Variants in GNAL observed in about 807,000 individuals in gnomAD.
GNAL encodes guanine nucleotide-binding protein G(olf) subunit alpha.
Under a neutral mutation model 55.1 loss-of-function variants are expected in GNAL, and 18 were observed. The ratio of observed to expected loss-of-function variants is 0.33; its 90% CI spans 0.23 to 0.48. GNAL has a LOEUF of 0.48. Ranked by LOEUF, GNAL falls within the 20% of genes least tolerant of loss-of-function variation. The probability of loss-of-function intolerance (pLI) is 0.99; values close to 1 mark genes in which losing one functional copy is unlikely to be tolerated. For synonymous variants in GNAL, 253 were observed against 237.0 expected (o/e 1.07, Z -0.62); for missense variants, 412 against 614.1 (o/e 0.67, Z 3.48).
Position 11,737,666 on chromosome 18 carries a change from C to T in GNAL, c.377-15187C>T, listed in dbSNP as rs2032488175. Among the ~76,000 whole-genome samples the T allele has an allele frequency of 2.0e-5, 3 of 152,242 alleles. No homozygotes were observed. The South Asian group carries it at 6.2e-4, about 31-fold the overall frequency. ...CACCCCACATAGCAGTGCAGGTTTC[C>T]ATCCGCACAGGGTCATCTGACCAGA... On this transcript the variant is annotated intron_variant, in intron 1 of 11. Transcript: ENST00000334049.
At chr18:11,816,084 G>A (rs971238155) in intron 4 of GNAL, among the ~76,000 whole-genome samples, 3 of 151,972 alleles carry the variant, frequency 2.0e-5, no homozygotes, top group African/African-American at 4.8e-5. Context: ...AAACTTAAAC[G>A]TTCACTTACC....
intron 4 of GNAL, among the ~76,000 whole-genome samples, chr18:11,818,389 C>T (rs62097371): frequency 0.058 from 8,775 of 152,238 alleles, 400 homozygotes; most frequent in African/African-American, 0.11. Context: ...ATGTATCAGA[C>T]CTAAACTCGA....
At position 11,823,577 on chromosome 18, in the gene GNAL, A is replaced by G. The variant is rs1598408358; in HGVS notation, c.625-1341A>G. Among the ~76,000 whole-genome samples, 5 of 152,322 alleles carry G rather than the reference A, an allele frequency of 3.3e-5. 1 individual carries two copies. Among genetic ancestry groups the G allele is most frequent in the Admixed American group, 3.3e-4 (5 of 15,290 alleles). ...TGTTTTTTCAAAGAGAGCCTTCCAA[A>G]TTGTGAGCATTAAACCCCTCACAGT... On this transcript the variant is annotated intron_variant, in intron 4 of 11. Transcript: ENST00000334049.
rs181904154 is a variant in GNAL, at chr18:11,789,420, G to A, written c.624+35475G>A. Among the ~76,000 whole-genome samples, 7 of 152,252 alleles carry A rather than the reference G, an allele frequency of 4.6e-5. No homozygotes were observed. The East Asian group carries it at 5.8e-4, about 13-fold the overall frequency. ...ACGGACTGTGATGATGGATTCCCAC[G>A]TAGTTGGCATTGATTGAGGATGATT... On this transcript the variant is annotated intron_variant, in intron 4 of 11. Coordinates refer to ENST00000334049, the MANE Select transcript of GNAL (RefSeq NM_182978.4).
At chr18:11,704,599 C>T (rs894761474) in intron 1 of GNAL, among the ~76,000 whole-genome samples, 5 of 152,198 alleles carry the variant, frequency 3.3e-5, no homozygotes, top group Non-Finnish European at 7.3e-5. Flanking sequence ...CCCCAGTTTC[C>T]AGACCCAGCC....
chr18:11,722,789 A>G (rs535733032), intron 1 of GNAL, among the ~76,000 whole-genome samples: 1 of 152,294 alleles, frequency 6.6e-6, no homozygotes, highest in African/African-American at 2.4e-5. Context: ...AGGCAGGTGG[A>G]TCACCTGAGG....
intron 1 of GNAL, among the ~76,000 whole-genome samples, chr18:11,693,656 G>T (rs1396461826): frequency 1.3e-5 from 2 of 150,014 alleles, no homozygotes; most frequent in Non-Finnish European, 3.0e-5. Flanking sequence ...ACATTCATTT[G>T]TTTATTCTGG....
chr18:11,769,337 G>A (rs1416381597), intron 4 of GNAL, among the ~76,000 whole-genome samples: 1 of 151,234 alleles, frequency 6.6e-6, no homozygotes, highest in Non-Finnish European at 1.5e-5. Context: ...TCAGACAAAA[G>A]TCTTCATTGT....
intron 1 of GNAL, among the ~76,000 whole-genome samples, chr18:11,692,464 G>A (rs574692177): frequency 6.2e-4 from 95 of 152,286 alleles, no homozygotes; most frequent in Non-Finnish European, 1.2e-3. Context: ...CCAGAATATC[G>A]CAGAGCACAC....
intron 4 of GNAL, among the ~76,000 whole-genome samples, chr18:11,754,959 A>G (rs1315048204): frequency 4.0e-5 from 6 of 151,146 alleles, no homozygotes; most frequent in African/African-American, 7.3e-5. Context: ...TCAGAAAGTC[A>G]TTTTCATTTT....
intron 9 of GNAL, among the ~76,000 whole-genome samples, chr18:11,869,615 A>G (rs1341193761): frequency 1.3e-5 from 2 of 152,230 alleles, no homozygotes; most frequent in African/African-American, 2.4e-5. Context: ...ATAGCAGTAC[A>G]ACAACAAAAA....
intron 4 of GNAL, among the ~76,000 whole-genome samples, chr18:11,811,141 C>T (rs2034803895): frequency 6.6e-6 from 1 of 152,174 alleles, no homozygotes; most frequent in South Asian, 2.1e-4. Flanking sequence ...AGCCACAACG[C>T]CACATTCCTG....
chr18:11,755,826 C>G (rs1016510086), intron 4 of GNAL, among the ~76,000 whole-genome samples: 1 of 152,148 alleles, frequency 6.6e-6, no homozygotes, highest in Non-Finnish European at 1.5e-5. Context: ...CCAGGATCCT[C>G]TGCTAACTGG....
chr18:11,881,214 GTC>G lies in GNAL; in HGVS notation c.*83_*84del. ...GCCCCATGCCATGGTAGGAGGCAGA[GTC>G]TCTAGTTCCATCTCGCTGCCGTCTG... On this transcript the variant is annotated 3_prime_UTR_variant, in exon 12 of 12. Coordinates refer to ENST00000334049, the MANE Select transcript of GNAL (RefSeq NM_182978.4). The surrounding 1 kb of genome is among the most constrained non-coding windows in gnomAD (Gnocchi z 4.8). 7.2e-7 allele frequency: 1 copy of G among 1,387,450 alleles called. No individual in the cohort carries two copies. The highest frequency in any genetic ancestry group is 2.1e-4 in the Middle Eastern group (1 of 4,718). The allele number at this position is 1,387,450 out of a possible 1,614,324, so 85.9% of individuals were successfully genotyped here.
Position 11,881,091 on chromosome 18 carries a change from G to A in GNAL, c.1333G>A (p.Asp445Asn), listed in dbSNP as rs760922997. Residue 445 changes from aspartate (D) to asparagine (N), a missense_variant, in exon 12 of 12, where the codon GAC becomes AAC. Physicochemically the swap from Asp to Asn is conservative, Grantham distance 23. Coordinates refer to ENST00000334049, the MANE Select transcript of GNAL (RefSeq NM_182978.4). The surrounding 1 kb of genome is among the most constrained non-coding windows in gnomAD (Gnocchi z 4.8). ...NIRRVFNDCR[D>N]IIQRMHLKQY... ...CCGCAGGGTGTTCAACGACTGCCGC[G>A]ACATCATCCAGCGGATGCACCTCAA... 109 of 1,612,952 alleles carry A rather than the reference G, an allele frequency of 6.8e-5. No individual in the cohort carries two copies. Among genetic ancestry groups the A allele is most frequent in the Non-Finnish European group, 8.8e-5 (104 of 1,179,584 alleles).
intron 4 of GNAL, among the ~76,000 whole-genome samples, chr18:11,763,277 G>T (rs925235261): frequency 7.9e-5 from 12 of 152,324 alleles, no homozygotes; most frequent in African/African-American, 2.6e-4. Context: ...AACGATTTGA[G>T]AGTTGGTTGC....
At position 11,689,670 on chromosome 18, in the gene GNAL, C is replaced by CGGCCCT. The variant is rs201898548; in HGVS notation, c.113_118dup (p.Leu38_Ala39dup). ...GAGGACGCGCAGCCCGCCCCGGCCC[C>CGGCCCT]GGCCCTGGCCCCAGTCCGGGCGGCC... On this transcript the variant is annotated inframe_insertion, in exon 1 of 12. Coordinates refer to ENST00000334049, the MANE Select transcript of GNAL (RefSeq NM_182978.4). 209,183 of 1,440,082 alleles carry CGGCCCT rather than the reference C, an allele frequency of 0.15. 16,271 individuals are homozygous for CGGCCCT. Among genetic ancestry groups the CGGCCCT allele is most frequent in the Non-Finnish European group, 0.16 (171,474 of 1,101,236 alleles). The allele number at this position is 1,440,082 out of a possible 1,614,324, so 89.2% of individuals were successfully genotyped here.
At chr18:11,732,211 T>A (rs1275249595) in intron 1 of GNAL, among the ~76,000 whole-genome samples, 1 of 152,268 alleles carries the variant, frequency 6.6e-6, no homozygotes, top group Non-Finnish European at 1.5e-5. Context: ...AATTGCTGGG[T>A]CATGTGGTAA....
chr18:11,851,010 A>T (rs1188271311), intron 5 of GNAL, among the ~76,000 whole-genome samples: 1 of 152,228 alleles, frequency 6.6e-6, no homozygotes, highest in Non-Finnish European at 1.5e-5. Context: ...AGCAAGCGTT[A>T]GTGCGAAGAC....
Sources: gnomAD v4.1 joint callset for allele counts (sites outside exome capture counted in the v4.1 genomes callset) on GRCh38, gnomAD v4.1.1 for gene constraint, Gnocchi (gnomAD v3.1) non-coding constraint, MANE v1.5 for transcripts, NCBI Gene and HGNC (gene_info 2026-07-23, HGNC 2026-07-21) for gene names.